Variants in SLC7A11 observed in about 807,000 individuals in gnomAD.
SLC7A11 encodes the protein cystine/glutamate transporter.
SLC7A11 carries 35 observed loss-of-function variants against 54.5 expected under a neutral mutation model. The ratio of observed to expected loss-of-function variants is 0.64; its 90% CI spans 0.49 to 0.85. The LOEUF is 0.85. Among genes scored for constraint, SLC7A11 ranks in the 40% least tolerant of loss-of-function variants. SLC7A11 has a pLI of 0.00. For synonymous variants in SLC7A11, 230 were observed against 225.2 expected (o/e 1.02, Z -0.19); for missense variants, 583 against 618.1 (o/e 0.94, Z 0.60).
chr4:138,217,934 C>T (rs535217129), intron 5 of SLC7A11, among the ~76,000 whole-genome samples: 3 of 152,178 alleles, frequency 2.0e-5, no homozygotes, highest in Non-Finnish European at 4.4e-5. Context: ...TTCAAAAATA[C>T]TGAGTGATTC....
intron 6 of SLC7A11, among the ~76,000 whole-genome samples, chr4:138,207,418 T>C (rs1398883240): frequency 1.3e-5 from 2 of 151,990 alleles, no homozygotes; most frequent in East Asian, 3.9e-4. Flanking sequence ...GAAAGATGCA[T>C]TCTTGGCTAG....
chr4:138,225,276 C>T (rs78690281), intron 3 of SLC7A11, among the ~76,000 whole-genome samples: 14,513 of 150,466 alleles, frequency 0.096, 1,132 homozygotes, highest in East Asian at 0.39. Flanking sequence ...CAATAAAATA[C>T]ATTTTGTTTT....
At chr4:138,234,230 C>T (rs1008443046) in intron 2 of SLC7A11, among the ~76,000 whole-genome samples, 13 of 152,120 alleles carry the variant, frequency 8.5e-5, no homozygotes, top group East Asian at 1.9e-4. Context: ...CACGCAAATT[C>T]GGTTTAATGA....
intron 6 of SLC7A11, among the ~76,000 whole-genome samples, chr4:138,200,812 C>T (rs1337386684): frequency 6.6e-6 from 1 of 152,054 alleles, no homozygotes; most frequent in Non-Finnish European, 1.5e-5. Flanking sequence ...ACAATGAGTC[C>T]AATACACTAA....
intron 2 of SLC7A11, among the ~76,000 whole-genome samples, chr4:138,234,447 C>T (rs1042198024): frequency 6.6e-6 from 1 of 152,020 alleles, no homozygotes; most frequent in Non-Finnish European, 1.5e-5. Flanking sequence ...ATTTAAAAGG[C>T]CAACTCAGCA....
Position 138,180,657 on chromosome 4 carries a change from A to G in SLC7A11, c.1250T>C (p.Met417Thr), listed in dbSNP as rs1736714586. The change falls in exon 10 of 12, where the codon ATG (methionine) becomes ACG (threonine). Residue 417 changes from methionine (M) to threonine (T), a missense_variant. Physicochemically the swap from Met to Thr is moderately conservative, Grantham distance 81 (BLOSUM62 -1). Coordinates refer to ENST00000280612, the MANE Select transcript of SLC7A11 (RefSeq NM_014331.4). ...LIYLRYKCPDMHRPFKVPLFI... is the reference protein window; with the variant it reads ...LIYLRYKCPDTHRPFKVPLFI... Reference sequence around the variant, plus strand: ...TGAGGTTACCTTGAAAGGACGATGCATATCTGGGCATTTGTATCGAAGATA... The same window carrying G: ...TGAGGTTACCTTGAAAGGACGATGCGTATCTGGGCATTTGTATCGAAGATA... 3 of 1,612,860 alleles carry G rather than the reference A, an allele frequency of 1.9e-6. No individual in the cohort carries two copies. The highest frequency in any genetic ancestry group is 1.7e-6 in the Non-Finnish European group (2 of 1,179,370).
At chr4:138,190,940 A>AT (rs1457844574) in intron 6 of SLC7A11, among the ~76,000 whole-genome samples, 1 of 152,124 alleles carries the variant, frequency 6.6e-6, no homozygotes, top group Non-Finnish European at 1.5e-5. Flanking sequence ...GTTTTCAGTG[A>AT]TTTTGCCTCA....
At chr4:138,180,992 G>T (rs73851539) in intron 9 of SLC7A11, among the ~76,000 whole-genome samples, 1,897 of 152,204 alleles carry the variant, frequency 0.012, 37 homozygotes, top group African/African-American at 0.041. Context: ...AACAGTATGA[G>T]AGTGATATGG....
At chr4:138,219,210 T>C in intron 5 of SLC7A11, 56 bp downstream of exon 5, 2 of 961,934 alleles carry the variant, frequency 2.1e-6, no homozygotes, top group Non-Finnish European at 3.3e-6. Context: ...TTAATCTGAG[T>C]GCATAATGGG....
chr4:138,242,191 A>T lies in SLC7A11; in HGVS notation c.-122T>A. Reference sequence around the variant, plus strand: ...CTTTCAGACTGTCTCTCTCAGCGCTATAGTGTTCACAGGTGAAAACTCAAA... The same window carrying T: ...CTTTCAGACTGTCTCTCTCAGCGCTTTAGTGTTCACAGGTGAAAACTCAAA... On this transcript the variant is annotated 5_prime_UTR_variant, in exon 1 of 12. Coordinates refer to ENST00000280612, the MANE Select transcript of SLC7A11 (RefSeq NM_014331.4). 8.5e-7 allele frequency: 1 copy of T among 1,177,110 alleles called. No homozygotes were observed. Among genetic ancestry groups the T allele is most frequent in the South Asian group, 1.5e-5 (1 of 66,106 alleles). The allele number at this position is 1,177,110 out of a possible 1,614,324, so 72.9% of individuals were successfully genotyped here. A position where few individuals can be genotyped will look rare whatever the true frequency, so the allele number is the denominator to read the frequency against.
intron 6 of SLC7A11, among the ~76,000 whole-genome samples, chr4:138,201,012 C>T (rs1321235647): frequency 6.6e-6 from 1 of 152,024 alleles, no homozygotes; most frequent in Admixed American, 6.6e-5. Context: ...TCATGAAAAG[C>T]CAATAGAAGA....
chr4:138,224,510 C>T (rs1737890873), intron 3 of SLC7A11, among the ~76,000 whole-genome samples: 1 of 152,048 alleles, frequency 6.6e-6, no homozygotes, highest in African/African-American at 2.4e-5. Context: ...AGTAATGAGT[C>T]CGCCTCACAG....
chr4:138,230,200 G>A (rs796407098), intron 3 of SLC7A11, among the ~76,000 whole-genome samples: 9 of 152,196 alleles, frequency 5.9e-5, no homozygotes, highest in African/African-American at 2.2e-4. Context: ...GTATAAGTGG[G>A]AGCTAAATGA....
rs1736246210 is a variant in SLC7A11 at position 138,165,987 on chromosome 4, A to C, written c.*5969T>G. ...AGAAAGTTATTTGGGGTAGTACTTGAAATAATTCATATACACAGTCATTTA... is the reference window on the plus strand; with the variant it reads ...AGAAAGTTATTTGGGGTAGTACTTGCAATAATTCATATACACAGTCATTTA... On this transcript the variant is annotated 3_prime_UTR_variant, in exon 12 of 12. Transcript: ENST00000280612. 6.6e-6 allele frequency: 1 copy of C among 152,156 alleles called. No homozygotes were observed. The highest frequency in any genetic ancestry group is 6.5e-5 in the Admixed American group (1 of 15,278). The allele number at this position is 152,156 out of a possible 1,614,324, so 9.4% of individuals were successfully genotyped here. A position where few individuals can be genotyped will look rare whatever the true frequency, so the allele number is the denominator to read the frequency against.
At chr4:138,227,811 C>T (rs1449923557) in intron 3 of SLC7A11, among the ~76,000 whole-genome samples, 2 of 152,084 alleles carry the variant, frequency 1.3e-5, no homozygotes, top group African/African-American at 4.8e-5. Flanking sequence ...AGCTACAGGA[C>T]CCTTTGTTTC....
chr4:138,219,283 C>T lies in SLC7A11; in HGVS notation c.729G>A (p.Met243Ile). The T allele has an allele frequency of 6.3e-7, 1 of 1,598,758 alleles. No individual in the cohort carries two copies. The highest frequency in any genetic ancestry group is 8.6e-7 in the Non-Finnish European group (1 of 1,166,118). The change falls in exon 5 of 12, where the codon ATG becomes ATA. Residue 243 changes from methionine (M) to isoleucine (I), a missense_variant. Physicochemically the swap from Met to Ile is conservative, Grantham distance 10. Coordinates refer to ENST00000280612, the MANE Select transcript of SLC7A11 (RefSeq NM_014331.4). ...TRLPLAFYYG[M>I]YAYAGWFYLN... ...CAACTTACCAGCCAGCATATGCATA[C>T]ATTCCATAATAAAAAGCCAGTGGCA...
rs1277515993 is a variant in SLC7A11, at chr4:138,239,672, TTTTTA to T, written c.277+2116_277+2120del. On this transcript the variant is annotated intron_variant, in intron 1 of 11. Coordinates refer to ENST00000280612, the MANE Select transcript of SLC7A11 (RefSeq NM_014331.4). ...GCTAGTCTCCTTAGCTGTTTCTCTC[TTTTTA>T]TTTTTTTTTGAGCTTTTGCTTCAGA... is the stretch of plus-strand genomic sequence containing the variant. 2.2e-5 allele frequency among the ~76,000 whole-genome samples: 3 copies of T among 135,950 alleles called. No homozygotes were observed. The South Asian group carries it at 7.5e-4, about 34-fold the overall frequency. 89.2% of individuals were successfully genotyped at this position (135,950 alleles called of 152,430 possible).
intron 11 of SLC7A11, chr4:138,177,495 C>G (rs912431416): frequency 3.3e-5 from 5 of 151,904 alleles, no homozygotes; most frequent in African/African-American, 9.7e-5. Context: ...CCGCCCCCCC[C>G]ACTTCCACAA....
At chr4:138,234,365 A>G (rs1738154425) in intron 2 of SLC7A11, among the ~76,000 whole-genome samples, 2 of 152,220 alleles carry the variant, frequency 1.3e-5, no homozygotes, top group Admixed American at 6.5e-5. Flanking sequence ...AACTATGGGT[A>G]TTAGTAAAAG....
Sources: allele counts gnomAD v4.1 joint callset (sites outside exome capture counted in the v4.1 genomes callset), GRCh38; gene constraint gnomAD v4.1.1; transcripts MANE v1.5; gene names NCBI Gene and HGNC (gene_info 2026-07-23, HGNC 2026-07-21).